Variants in PRKCQ observed in about 807,000 individuals in gnomAD.
PRKCQ encodes the protein protein kinase C theta, also known as protein kinase C theta type.
A neutral mutation model predicts 91.2 loss-of-function variants in PRKCQ; 41 were observed. That is an observed-to-expected ratio of 0.45 (90% CI 0.35 to 0.58). The LOEUF is 0.58. Ranked by LOEUF, PRKCQ falls within the 20% of genes least tolerant of loss-of-function variation. The pLI is 0.00. For missense variants in PRKCQ, 673 were observed against 896.5 expected (o/e 0.75, Z 3.18); for synonymous variants, 307 against 316.9 (o/e 0.97, Z 0.33).
chr10:6,525,156 T>A (rs999762151), intron 1 of PRKCQ, among the ~76,000 whole-genome samples: 8 of 152,090 alleles, frequency 5.3e-5, no homozygotes, highest in African/African-American at 1.9e-4. Context: ...TTCTTTTTTT[T>A]TTTTTTTGAG....
intron 12 of PRKCQ, among the ~76,000 whole-genome samples, chr10:6,477,659 G>C (rs1235285545): frequency 6.6e-6 from 1 of 152,184 alleles, no homozygotes; most frequent in Non-Finnish European, 1.5e-5. Context: ...CCTGAGGTCA[G>C]GAGTTTGAGA....
chr10:6,566,727 G>C (rs1326824331), intron 1 of PRKCQ, among the ~76,000 whole-genome samples: 5 of 152,072 alleles, frequency 3.3e-5, no homozygotes, highest in Admixed American at 6.5e-5. Flanking sequence ...CAGAAAGATG[G>C]AGAGAACTCA....
At chr10:6,424,789 G>T (rs943989961), downstream of PRKCQ, among the ~76,000 whole-genome samples, 1 of 152,182 alleles carries the variant, frequency 6.6e-6, no homozygotes, top group Non-Finnish European at 1.5e-5. Context: ...TCTGTGGCCA[G>T]CCTCTCGTGC....
In PRKCQ at chr10:6,576,128, C is replaced by G. The variant is rs1294902244; in HGVS notation, c.-10+4083G>C. On this transcript the variant is annotated intron_variant, in intron 1 of 17. Transcript: ENST00000263125. This position sits in a 1 kb window ranked among gnomAD's most constrained non-coding sequence, Gnocchi z 4.2. ...TGGTGGGAATGTAAAACGGTCCAGCCACTGTGGAAAACAATATGGCAGTTC... is the reference window on the plus strand; with the variant it reads ...TGGTGGGAATGTAAAACGGTCCAGCGACTGTGGAAAACAATATGGCAGTTC... Among the ~76,000 whole-genome samples the G allele has an allele frequency of 6.6e-6, 1 of 152,138 alleles. No homozygotes were observed. Among genetic ancestry groups the G allele is most frequent in the Admixed American group, 6.5e-5 (1 of 15,278 alleles).
intron 1 of PRKCQ, among the ~76,000 whole-genome samples, chr10:6,577,307 C>T (rs1287748209): frequency 1.3e-5 from 2 of 152,152 alleles, no homozygotes; most frequent in African/African-American, 4.8e-5. Flanking sequence ...AAGATATTTT[C>T]ACCATTGTAA....
At chr10:6,543,325 C>G (rs1332703549) in intron 1 of PRKCQ, among the ~76,000 whole-genome samples, 1 of 152,218 alleles carries the variant, frequency 6.6e-6, no homozygotes, top group Non-Finnish European at 1.5e-5. Flanking sequence ...ACAGGCTTCC[C>G]TTAGCTTTCA....
intron 8 of PRKCQ, among the ~76,000 whole-genome samples, chr10:6,490,950 C>T (rs911454793): frequency 6.6e-6 from 1 of 151,880 alleles, no homozygotes; most frequent in Admixed American, 6.6e-5. Flanking sequence ...AGCTTCTAAA[C>T]GTTATCGCCT....
Position 6,440,806 on chromosome 10 carries a change from T to C in PRKCQ, c.1836+1087A>G, listed in dbSNP as rs568211399. 3.3e-5 allele frequency among the ~76,000 whole-genome samples: 5 copies of C among 152,230 alleles called. No homozygotes were observed. The South Asian group carries it at 1.0e-3, about 32-fold the overall frequency. ...GAGTTCAAGACCAGCTTGGCCAACATGGTGAAACTCCACCTCTACTAAAAA... is the reference window on the plus strand; with the variant it reads ...GAGTTCAAGACCAGCTTGGCCAACACGGTGAAACTCCACCTCTACTAAAAA... On this transcript the variant is annotated intron_variant, in intron 16 of 17. Coordinates refer to ENST00000263125, the MANE Select transcript of PRKCQ (RefSeq NM_006257.5).
At chr10:6,533,208 A>G (rs1325737121) in intron 1 of PRKCQ, among the ~76,000 whole-genome samples, 1 of 151,846 alleles carries the variant, frequency 6.6e-6, no homozygotes, top group African/African-American at 2.4e-5. Flanking sequence ...TCACTCTTCT[A>G]TTTTTTTGAG....
At chr10:6,438,616 G>C (rs1464321347) in intron 16 of PRKCQ, among the ~76,000 whole-genome samples, 1 of 151,780 alleles carries the variant, frequency 6.6e-6, no homozygotes, top group Non-Finnish European at 1.5e-5. Context: ...TTGCGGGGGG[G>C]ACAGGGTCTT....
At chr10:6,441,802 C>A (rs561103779) in intron 16 of PRKCQ, 91 bp downstream of exon 16, 16 of 1,312,482 alleles carry the variant, frequency 1.2e-5, no homozygotes, top group Non-Finnish European at 1.7e-5. Context: ...TCATTGTTTG[C>A]CACATGCAAG....
intron 10 of PRKCQ, among the ~76,000 whole-genome samples, chr10:6,484,039 C>T (rs900398862): frequency 3.3e-5 from 5 of 152,290 alleles, no homozygotes; most frequent in Admixed American, 6.5e-5. Flanking sequence ...CAATTTACAG[C>T]GTGAGAGAGA....
At chr10:6,516,190 A>T (rs115805430) in intron 1 of PRKCQ, among the ~76,000 whole-genome samples, 1 of 152,234 alleles carries the variant, frequency 6.6e-6, no homozygotes, top group Non-Finnish European at 1.5e-5. Context: ...AATCAGTAAC[A>T]TACCTGGAGA....
intron 12 of PRKCQ, among the ~76,000 whole-genome samples, chr10:6,473,623 C>T (rs1362326658): frequency 6.6e-6 from 1 of 152,176 alleles, no homozygotes; most frequent in Non-Finnish European, 1.5e-5. Flanking sequence ...TGCAGGGACA[C>T]GTCTTTGGAA....
At position 6,497,495 on chromosome 10, in the gene PRKCQ, A is replaced by T. The variant is rs1007046040; in HGVS notation, c.543-244T>A. Among the ~76,000 whole-genome samples, 2 of 152,364 alleles carry T rather than the reference A, an allele frequency of 1.3e-5. No homozygotes were observed. Among genetic ancestry groups the T allele is most frequent in the Admixed American group, 6.5e-5 (1 of 15,304 alleles). ...TTTATCATCCTTGTATTTTCCAAAC[A>T]TATAGAGATTAAAATGCATGAATGA... is the stretch of plus-strand genomic sequence containing the variant. On this transcript the variant is annotated intron_variant, in intron 5 of 17. Coordinates refer to ENST00000263125, the MANE Select transcript of PRKCQ (RefSeq NM_006257.5). The surrounding 1 kb of genome is among the most constrained non-coding windows in gnomAD (Gnocchi z 4.5).
the PRKCQ span, among the ~76,000 whole-genome samples, chr10:6,395,120 T>A: frequency 7.0e-6 from 1 of 142,724 alleles, no homozygotes; most frequent in African/African-American, 2.6e-5. Flanking sequence ...TGGAGTGCAG[T>A]GGCTGTGATC....
intron 8 of PRKCQ, among the ~76,000 whole-genome samples, chr10:6,487,973 C>A (rs1837024078): frequency 6.7e-6 from 1 of 149,182 alleles, no homozygotes; most frequent in African/African-American, 2.5e-5. Context: ...CCACTGTACT[C>A]CAGCCTGGGA....
At chr10:6,542,754 T>G (rs1006166169) in intron 1 of PRKCQ, among the ~76,000 whole-genome samples, 1 of 152,148 alleles carries the variant, frequency 6.6e-6, no homozygotes, top group Non-Finnish European at 1.5e-5. Context: ...CGAGGTCTCT[T>G]GCCTGCTTTG....
intron 15 of PRKCQ, among the ~76,000 whole-genome samples, chr10:6,452,931 A>G (rs1043874519): frequency 3.9e-4 from 58 of 147,892 alleles, no homozygotes; most frequent in African/African-American, 1.4e-3. Flanking sequence ...TTCAAGATGG[A>G]TTAAAGACTT....
Sources: gnomAD v4.1 joint callset for allele counts (sites outside exome capture counted in the v4.1 genomes callset) on GRCh38, gnomAD v4.1.1 for gene constraint, Gnocchi (gnomAD v3.1) non-coding constraint, MANE v1.5 for transcripts, NCBI Gene and HGNC (gene_info 2026-07-23, HGNC 2026-07-21) for gene names.